The following RPTOR variants were observed in gnomAD, a reference collection of about 807,000 sequenced individuals.
RPTOR encodes regulatory associated protein of MTOR complex 1.
A neutral mutation model predicts 169.9 loss-of-function variants in RPTOR; 21 were observed. The ratio of observed to expected loss-of-function variants is 0.12; its 90% CI spans 0.09 to 0.18. The LOEUF is 0.18. Ranked by LOEUF, RPTOR falls within the 10% of genes least tolerant of loss-of-function variation. The pLI, the probability that RPTOR is intolerant of heterozygous loss-of-function variation, is 1.00. For missense variants in RPTOR, 1,133 were observed against 1,855.9 expected (o/e 0.61, Z 7.16); for synonymous variants, 732 against 753.2 (o/e 0.97, Z 0.46).
Position 80,757,127 on chromosome 17 carries a change from G to A in RPTOR, c.830+2942G>A, listed in dbSNP as rs2066688577. On this transcript the variant is annotated intron_variant, in intron 6 of 33. Coordinates refer to ENST00000306801, the MANE Select transcript of RPTOR (RefSeq NM_020761.3). Reference sequence around the variant, plus strand: ...CAGAAAAGCCAGGAGATGCAGAGAAGGGAAATAGAGGCCCCAGTATGCAGA... The same window carrying A: ...CAGAAAAGCCAGGAGATGCAGAGAAAGGAAATAGAGGCCCCAGTATGCAGA... 2.0e-5 allele frequency among the ~76,000 whole-genome samples: 3 copies of A among 152,178 alleles called. No individual in the cohort carries two copies. In the South Asian group the frequency reaches 6.2e-4, roughly 32 times the overall value.
chr17:80,763,064 A>G (rs907071122), intron 6 of RPTOR, among the ~76,000 whole-genome samples: 2 of 152,272 alleles, frequency 1.3e-5, no homozygotes, highest in Admixed American at 6.5e-5. Context: ...TGGGCAAAAC[A>G]GCACGACCCT....
intron 10 of RPTOR, among the ~76,000 whole-genome samples, chr17:80,840,146 G>A (rs971242534): frequency 3.9e-5 from 6 of 152,060 alleles, no homozygotes; most frequent in Non-Finnish European, 7.4e-5. Context: ...GAGCCCCCTC[G>A]GCGCCCCTCT....
chr17:80,564,190 G>A (rs2084543649), intron 1 of RPTOR, among the ~76,000 whole-genome samples: 1 of 152,008 alleles, frequency 6.6e-6, no homozygotes, highest in Non-Finnish European at 1.5e-5. Flanking sequence ...AGCCTCCCGA[G>A]TAGCTGGAAC....
At position 80,922,743 on chromosome 17, in the gene RPTOR, C is replaced by A; in HGVS notation, c.2540C>A (p.Pro847Gln). The change falls in exon 22 of 34, where the codon CCG becomes CAG. Residue 847 changes from proline (P) to glutamine (Q), a missense_variant. Transcript: ENST00000306801. ...CCCTAGGCCACCGTGAACGCCCGGC[C>A]GCAGCGCGTCCTGGACACCTCCTCC... ...IAYKATVNAR[P>Q]QRVLDTSSLT... 1 of 1,588,482 alleles carries A rather than the reference C, an allele frequency of 6.3e-7. No individual in the cohort carries two copies. The highest frequency in any genetic ancestry group is 8.5e-7 in the Non-Finnish European group (1 of 1,171,308).
intron 24 of RPTOR, among the ~76,000 whole-genome samples, chr17:80,934,535 T>G (rs759577386): frequency 6.6e-6 from 1 of 152,116 alleles, no homozygotes; most frequent in Non-Finnish European, 1.5e-5. Flanking sequence ...ATTTTGAAAT[T>G]GTTTACAGAG....
At chr17:80,639,781 G>A (rs1045644868) in intron 2 of RPTOR, among the ~76,000 whole-genome samples, 3 of 152,246 alleles carry the variant, frequency 2.0e-5, no homozygotes, top group Non-Finnish European at 1.5e-5. Flanking sequence ...GGGTGAACAT[G>A]TTAGCAGTGG....
intron 6 of RPTOR, among the ~76,000 whole-genome samples, chr17:80,761,501 G>A (rs1009999201): frequency 2.0e-5 from 3 of 152,160 alleles, no homozygotes; most frequent in East Asian, 1.9e-4. Flanking sequence ...GTTTCCTGGC[G>A]CGCAGGTTGG....
intron 22 of RPTOR, 141 bp downstream of exon 22, chr17:80,922,968 T>C (rs2271606): frequency 0.87 from 586,162 of 675,890 alleles, 255,287 homozygotes; most frequent in African/African-American, 0.97. Context: ...CCAGCGGGCG[T>C]TCTTTCCCTC....
chr17:80,800,172 C>T (rs2067142629), intron 7 of RPTOR, among the ~76,000 whole-genome samples: 1 of 152,210 alleles, frequency 6.6e-6, no homozygotes, highest in South Asian at 2.1e-4. Flanking sequence ...CTCACCAGCT[C>T]AATGGCAGTT....
intron 7 of RPTOR, among the ~76,000 whole-genome samples, chr17:80,816,330 G>A (rs1382628934): frequency 6.6e-6 from 1 of 152,230 alleles, no homozygotes; most frequent in East Asian, 1.9e-4. Flanking sequence ...GCTGGCCCCA[G>A]TGCAGGACCA....
chr17:80,631,271 T>G (rs2065439835), intron 2 of RPTOR, among the ~76,000 whole-genome samples: 1 of 152,020 alleles, frequency 6.6e-6, no homozygotes, highest in Non-Finnish European at 1.5e-5. Flanking sequence ...GGAGGAGGTC[T>G]CTGGGGGCAG....
chr17:80,878,505 C>T lies in RPTOR; in HGVS notation c.1510-1910C>T, dbSNP rs1224206142. ...GGGACTACAGGCACGCACCACCACACCCTGCTAATTTTTGTATTTTTTAGT... is the reference window on the plus strand; with the variant it reads ...GGGACTACAGGCACGCACCACCACATCCTGCTAATTTTTGTATTTTTTAGT... On this transcript the variant is annotated intron_variant, in intron 13 of 33. Transcript: ENST00000306801. This position sits in a 1 kb window ranked among gnomAD's most constrained non-coding sequence, Gnocchi z 4.1. 6.6e-6 allele frequency among the ~76,000 whole-genome samples: 1 copy of T among 152,178 alleles called. No individual in the cohort carries two copies. The highest frequency in any genetic ancestry group is 2.4e-5 in the African/African-American group (1 of 41,422).
rs1196828409 is a variant in RPTOR at position 80,936,374 on chromosome 17, C to G, written c.2920-4122C>G. ...GGATATTCACCAAGAGAAGTGAAAACATGTTCATTCAGAAACCTGTATGTG... is the reference window on the plus strand; with the variant it reads ...GGATATTCACCAAGAGAAGTGAAAAGATGTTCATTCAGAAACCTGTATGTG... On this transcript the variant is annotated intron_variant, in intron 24 of 33. Coordinates refer to ENST00000306801, the MANE Select transcript of RPTOR (RefSeq NM_020761.3). The surrounding 1 kb of genome is among the most constrained non-coding windows in gnomAD (Gnocchi z 4.1). Among the ~76,000 whole-genome samples the G allele has an allele frequency of 6.6e-6, 1 of 152,186 alleles. No homozygotes were observed. The highest frequency in any genetic ancestry group is 2.4e-5 in the African/African-American group (1 of 41,438).
At chr17:80,743,141 C>G (rs1330655760) in intron 5 of RPTOR, 2 of 782,040 alleles carry the variant, frequency 2.6e-6, no homozygotes, top group African/African-American at 1.9e-5. Flanking sequence ...CCAGCTTTCC[C>G]TCTCCTCCTT....
At chr17:80,650,862 G>A (rs536467693) in intron 3 of RPTOR, among the ~76,000 whole-genome samples, 3 of 152,242 alleles carry the variant, frequency 2.0e-5, no homozygotes, top group African/African-American at 7.2e-5. Flanking sequence ...GGGGATAACT[G>A]CATTCCTGAC....
chr17:80,689,253 A>G (rs2065971478), intron 3 of RPTOR, among the ~76,000 whole-genome samples: 1 of 152,230 alleles, frequency 6.6e-6, no homozygotes, highest in South Asian at 2.1e-4. Context: ...CCCCTTGGCA[A>G]CATTATTCCT....
rs887001406 is a variant in RPTOR at position 80,721,565 on chromosome 17, C to A, written c.508-8995C>A. Among the ~76,000 whole-genome samples, 11 of 151,354 alleles carry A rather than the reference C, an allele frequency of 7.3e-5. No homozygotes were observed. The highest frequency in any genetic ancestry group is 5.9e-4 in the Admixed American group (9 of 15,260). On this transcript the variant is annotated intron_variant, in intron 4 of 33. Transcript: ENST00000306801. The surrounding 1 kb of genome is among the most constrained non-coding windows in gnomAD (Gnocchi z 4.7). ...GGGCGCTGCAGTTTGCAGGAGCATC[C>A]TTTGGGCTCTTACCTCAGTCGGTGG...
At chr17:80,812,939 G>A (rs1236644353) in intron 7 of RPTOR, among the ~76,000 whole-genome samples, 1 of 152,208 alleles carries the variant, frequency 6.6e-6, no homozygotes, top group Admixed American at 6.5e-5. Flanking sequence ...GCACAGAGTT[G>A]GACCCACGTC....
intron 31 of RPTOR, among the ~76,000 whole-genome samples, chr17:80,962,245 G>C (rs773339707): frequency 6.6e-6 from 1 of 152,222 alleles, no homozygotes; most frequent in Non-Finnish European, 1.5e-5. Flanking sequence ...GAGAGCTTGT[G>C]GGGGACAGCC....
Sources: allele counts gnomAD v4.1 joint callset (sites outside exome capture counted in the v4.1 genomes callset), GRCh38; gene constraint gnomAD v4.1.1; non-coding constraint Gnocchi (gnomAD v3.1); transcripts MANE v1.5; gene names NCBI Gene and HGNC (gene_info 2026-07-23, HGNC 2026-07-21).